The following GAB1 variants were observed in gnomAD, a reference collection of about 807,000 sequenced individuals.
GAB1 encodes GRB2 associated binding protein 1.
In GAB1, 19 loss-of-function variants were observed where a neutral mutation model predicts 66.5. The observed-to-expected ratio is 0.29, with a 90% confidence interval of 0.20 to 0.42. GAB1 has a LOEUF of 0.42. Ranked by LOEUF, GAB1 falls within the 10% of genes least tolerant of loss-of-function variation. The pLI, the probability that GAB1 is intolerant of heterozygous loss-of-function variation, is 1.00. For missense variants in GAB1, 732 were observed against 858.5 expected (o/e 0.85, Z 1.84); for synonymous variants, 294 against 301.4 (o/e 0.98, Z 0.25).
At chr4:143,339,308 G>C (rs1020489797) in intron 1 of GAB1, among the ~76,000 whole-genome samples, 1 of 152,208 alleles carries the variant, frequency 6.6e-6, no homozygotes, top group Admixed American at 6.5e-5. Context: ...CCTGAGGTCA[G>C]GAGACCAGCC....
intron 1 of GAB1, among the ~76,000 whole-genome samples, chr4:143,375,476 G>A (rs1383409489): frequency 1.3e-5 from 2 of 152,268 alleles, no homozygotes; most frequent in South Asian, 4.2e-4. Context: ...CTAGATGGTA[G>A]CACCTGGAAG....
intron 2 of GAB1, chr4:143,425,011 T>C: frequency 1.4e-6 from 1 of 711,752 alleles, no homozygotes; most frequent in Admixed American, 2.0e-5. Flanking sequence ...CATACGGCGT[T>C]GTTCTGGATT....
At chr4:143,396,474 T>G (rs1324989049) in intron 1 of GAB1, among the ~76,000 whole-genome samples, 1 of 152,108 alleles carries the variant, frequency 6.6e-6, no homozygotes, top group Non-Finnish European at 1.5e-5. Flanking sequence ...AGATGCACTC[T>G]AAGACTGATT....
At chr4:143,434,572 TCTCAAACTCCTGGC>T (rs28987968) in intron 3 of GAB1, among the ~76,000 whole-genome samples, 4,487 of 152,114 alleles carry the variant, frequency 0.029, 239 homozygotes, top group African/African-American at 0.1. Flanking sequence ...CCTAGGCTGA[TCTCAAACTCCTGGC>T]CTCAAACAGT....
chr4:143,434,052 T>G, intron 3 of GAB1: 1 of 1,074,922 alleles, frequency 9.3e-7, no homozygotes, highest in Non-Finnish European at 1.3e-6. Flanking sequence ...TTATAAATGG[T>G]GATCTTGCTC....
chr4:143,431,273 A>G (rs559286373), intron 2 of GAB1, among the ~76,000 whole-genome samples: 20 of 152,298 alleles, frequency 1.3e-4, no homozygotes, highest in Non-Finnish European at 2.4e-4. Context: ...AGAGGGATCT[A>G]TTCACTTTTA....
chr4:143,430,910 C>T (rs969425837), intron 2 of GAB1, among the ~76,000 whole-genome samples: 6 of 152,162 alleles, frequency 3.9e-5, no homozygotes, highest in African/African-American at 1.4e-4. Context: ...AATCCTTTAA[C>T]CCCAGGCAAA....
At chr4:143,434,383 T>TC (rs5862640) in intron 3 of GAB1, among the ~76,000 whole-genome samples, 8 of 150,750 alleles carry the variant, frequency 5.3e-5, no homozygotes, top group African/African-American at 2.0e-4. Flanking sequence ...TTTTTTTTTT[T>TC]AGGAGACAAG....
chr4:143,405,292 A>G (rs1731986579), intron 1 of GAB1, among the ~76,000 whole-genome samples: 1 of 152,214 alleles, frequency 6.6e-6, no homozygotes, highest in African/African-American at 2.4e-5. Flanking sequence ...ATAATATTCA[A>G]TGACTGAAAT....
chr4:143,417,811 G>A (rs1732777220), intron 2 of GAB1, among the ~76,000 whole-genome samples: 1 of 152,198 alleles, frequency 6.6e-6, no homozygotes, highest in South Asian at 2.1e-4. Context: ...AAGTAGTTTT[G>A]TAGAGCCAAG....
At chr4:143,376,633 G>C (rs1197874789) in intron 1 of GAB1, among the ~76,000 whole-genome samples, 1 of 152,176 alleles carries the variant, frequency 6.6e-6, no homozygotes, top group African/African-American at 2.4e-5. Context: ...TATTTCCTCT[G>C]TAGATTGTTT....
chr4:143,465,185 A>G (rs1735717920), intron 8 of GAB1, among the ~76,000 whole-genome samples: 1 of 152,190 alleles, frequency 6.6e-6, no homozygotes, highest in Non-Finnish European at 1.5e-5. Context: ...TTGTAATTAG[A>G]GTGGAGGGAA....
At chr4:143,403,291 T>G (rs1343521762) in intron 1 of GAB1, among the ~76,000 whole-genome samples, 1 of 152,232 alleles carries the variant, frequency 6.6e-6, no homozygotes, top group Non-Finnish European at 1.5e-5. Flanking sequence ...CTCCTTGTCC[T>G]CAAGCATTAA....
intron 1 of GAB1, chr4:143,380,764 A>T (rs993371600): frequency 2.6e-5 from 4 of 152,212 alleles, no homozygotes; most frequent in Admixed American, 6.5e-5. Context: ...TGCACTGAAA[A>T]TGTAATATGA....
chr4:143,422,558 A>G (rs1274615077), intron 2 of GAB1, among the ~76,000 whole-genome samples: 9 of 152,176 alleles, frequency 5.9e-5, no homozygotes, highest in Admixed American at 5.2e-4. Flanking sequence ...CTCTTCTACC[A>G]TTTGGGGTTT....
At chr4:143,337,312 C>G (rs1454530790) in intron 1 of GAB1, 52 bp downstream of exon 1, 1 of 1,477,304 alleles carries the variant, frequency 6.8e-7, no homozygotes, top group Admixed American at 2.0e-5. Flanking sequence ...CACACCCCTC[C>G]CCAGTCGGCT....
intron 6 of GAB1, among the ~76,000 whole-genome samples, chr4:143,453,571 C>T (rs575906265): frequency 2.6e-5 from 4 of 152,084 alleles, no homozygotes; most frequent in Non-Finnish European, 4.4e-5. Flanking sequence ...TTACTGGTCA[C>T]GAAGGTAAAC....
chr4:143,360,456 A>G (rs1234055859), intron 1 of GAB1, among the ~76,000 whole-genome samples: 4 of 152,206 alleles, frequency 2.6e-5, no homozygotes, highest in African/African-American at 7.2e-5. Context: ...GTTAGATTTT[A>G]TAATCAGAAG....
At position 143,361,992 on chromosome 4, in the gene GAB1, C is replaced by T. The variant is rs1191042793; in HGVS notation, c.72+24732C>T. 4.6e-5 allele frequency among the ~76,000 whole-genome samples: 7 copies of T among 151,662 alleles called. No homozygotes were observed. The East Asian group carries it at 1.4e-3, about 29-fold the overall frequency. On this transcript the variant is annotated intron_variant, in intron 1 of 9. Coordinates refer to ENST00000262994, the MANE Select transcript of GAB1 (RefSeq NM_002039.4). ...CAGGCTGGTCTTGAACTCCTGGGCT[C>T]AAGCAATCCCCCCACCTTGGCCTCC...
Sources: gnomAD v4.1 joint callset for allele counts (sites outside exome capture counted in the v4.1 genomes callset) on GRCh38, gnomAD v4.1.1 for gene constraint, MANE v1.5 for transcripts, NCBI Gene and HGNC (gene_info 2026-07-23, HGNC 2026-07-21) for gene names.